GUCA1C: variants seen among roughly 807,000 people sequenced by gnomAD.
The protein encoded by GUCA1C is guanylyl cyclase-activating protein 3.
Under a neutral mutation model 16.2 loss-of-function variants are expected in GUCA1C, and 15 were observed. That is an observed-to-expected ratio of 0.93 (90% confidence interval 0.62 to 1.43). The LOEUF (loss-of-function observed/expected upper bound fraction) is 1.43. GUCA1C is among the 40% of genes most tolerant of loss of function. GUCA1C has a pLI of 0.00. For synonymous variants in GUCA1C, 78 were observed against 85.4 expected, an observed-to-expected ratio of 0.91 and a Z score of 0.48; for missense variants, 275 against 244.8, an observed-to-expected ratio of 1.12 and a Z score of -0.82.
intron 1 of GUCA1C, among the ~76,000 whole-genome samples, chr3:108,927,742 G>C (rs1269261189): frequency 1.3e-5 from 2 of 152,084 alleles, no homozygotes; most frequent in African/African-American, 4.8e-5. Flanking sequence ...CAGAGATTTT[G>C]TCTTGTTTTG....
intron 1 of GUCA1C, among the ~76,000 whole-genome samples, chr3:108,941,655 T>C (rs1246661381): frequency 2.0e-5 from 3 of 152,126 alleles, no homozygotes; most frequent in Non-Finnish European, 4.4e-5. Context: ...AGTTTAAGGG[T>C]CAACAATGAC....
chr3:108,930,293 G>A (rs73850673), intron 1 of GUCA1C, among the ~76,000 whole-genome samples: 2,332 of 152,200 alleles, frequency 0.015, 59 homozygotes, highest in African/African-American at 0.053. Context: ...ACTGCTCCCC[G>A]GAAATAAAGA....
chr3:108,928,618 A>T (rs908216875), intron 1 of GUCA1C, among the ~76,000 whole-genome samples: 6 of 152,166 alleles, frequency 3.9e-5, no homozygotes, highest in African/African-American at 1.4e-4. Context: ...TTTTTGTGAA[A>T]GGTGTAAGGT....
In GUCA1C at chr3:108,916,186, G is replaced by C; in HGVS notation, c.383C>G (p.Thr128Ser). 3.1e-6 allele frequency: 5 copies of C among 1,613,754 alleles called. No individual in the cohort carries two copies. The highest frequency in any genetic ancestry group is 4.2e-6 in the Non-Finnish European group (5 of 1,179,792). Residue 128 changes from threonine to serine, a missense_variant, in exon 3 of 4, where the codon ACT becomes AGT. Transcript: ENST00000261047. ...MAVQALNGQQTLSPEEFINLV... is the reference protein window; with the variant it reads ...MAVQALNGQQSLSPEEFINLV... ...GTTGATGAATTCTTCAGGACTCAGA[G>C]TTTGCTGGCCATTGAGGGCTTGTAC...
chr3:108,920,506 C>A lies in GUCA1C; in HGVS notation c.284G>T (p.Trp95Leu). 6.3e-7 allele frequency: 1 copy of A among 1,590,364 alleles called. No homozygotes were observed. Among genetic ancestry groups the A allele is most frequent in the South Asian group, 1.1e-5 (1 of 90,576 alleles). ...ATCAGCATCATACAGCTTAAAATACCATTTTAATTTTTGCTCCATTTTTTC... is the reference window on the plus strand; with the variant it reads ...ATCAGCATCATACAGCTTAAAATACAATTTTAATTTTTGCTCCATTTTTTC... ...MQEKMEQKLK[W>L]YFKLYDADGN... Residue 95 changes from tryptophan (W) to leucine (L), a missense_variant, in exon 2 of 4, where the codon TGG (tryptophan) becomes TTG (leucine). Physicochemically the swap from Trp to Leu is moderately conservative, Grantham distance 61. Coordinates refer to ENST00000261047, the MANE Select transcript of GUCA1C (RefSeq NM_005459.4).
At chr3:108,913,782 T>C (rs1012519567) in intron 3 of GUCA1C, among the ~76,000 whole-genome samples, 8 of 152,058 alleles carry the variant, frequency 5.3e-5, no homozygotes, top group African/African-American at 1.9e-4. Flanking sequence ...ATACAAGTTT[T>C]TGGGGCTGGG....
At chr3:108,939,324 C>CTTTTTTTTTGTTTTTTTTTTTTTTTTT (rs1946761487) in intron 1 of GUCA1C, among the ~76,000 whole-genome samples, 1 of 32,912 alleles carries the variant, frequency 3.0e-5, no homozygotes, top group Non-Finnish European at 6.0e-5. Context: ...TGCTTCAAGG[C>CTTTTTTTTTGTTTTTTTTTTTTTTTTT]TTTTTTTTTT....
intron 2 of GUCA1C, among the ~76,000 whole-genome samples, chr3:108,919,635 G>C (rs1315843262): frequency 1.3e-5 from 2 of 152,060 alleles, no homozygotes; most frequent in Admixed American, 6.6e-5. Flanking sequence ...TTGTTGAGAA[G>C]TTTAATTATA....
chr3:108,954,321 G>T (rs1946928740), upstream of GUCA1C, among the ~76,000 whole-genome samples: 1 of 152,164 alleles, frequency 6.6e-6, no homozygotes, highest in Admixed American at 6.5e-5. Flanking sequence ...TTAAAAAGAA[G>T]TCTATGTATA....
chr3:108,945,515 T>C (rs1221320507), intron 1 of GUCA1C, among the ~76,000 whole-genome samples: 1 of 152,190 alleles, frequency 6.6e-6, no homozygotes, highest in African/African-American at 2.4e-5. Context: ...AATAATGGAA[T>C]GGACGATTCC....
Position 108,908,143 on chromosome 3 carries a change from T to C in GUCA1C, c.509A>G (p.Tyr170Cys). 1.9e-6 allele frequency: 3 copies of C among 1,613,886 alleles called. No homozygotes were observed. Among genetic ancestry groups the C allele is most frequent in the Non-Finnish European group, 2.5e-6 (3 of 1,179,774 alleles). ...CACATTGGAGAAGTCGAAGCTCTTGTAAACAATCTCCAGGAGATCCTGATC... is the reference window on the plus strand; with the variant it reads ...CACATTGGAGAAGTCGAAGCTCTTGCAAACAATCTCCAGGAGATCCTGATC... ...AKDQDLLEIV[Y>C]KSFDFSNVLR... Residue 170 changes from tyrosine (Y) to cysteine (C), a missense_variant, in exon 4 of 4, where the codon TAC becomes TGC. Coordinates refer to ENST00000261047, the MANE Select transcript of GUCA1C (RefSeq NM_005459.4).
chr3:108,949,497 C>T (rs1214957005), intron 1 of GUCA1C, among the ~76,000 whole-genome samples: 1 of 152,196 alleles, frequency 6.6e-6, no homozygotes, highest in Non-Finnish European at 1.5e-5. Flanking sequence ...TTTTGCTGCA[C>T]TCAATCACTG....
At chr3:108,922,142 TACACACACACATACACAAAC>T (rs1249756119) in intron 1 of GUCA1C, among the ~76,000 whole-genome samples, 3 of 143,874 alleles carry the variant, frequency 2.1e-5, no homozygotes, top group South Asian at 2.2e-4. Flanking sequence ...CCATGGTGTA[TACACACACACATACACAAAC>T]ACACACACAC....
Position 108,920,521 on chromosome 3 carries a change from T to A in GUCA1C, c.269A>T (p.Glu90Val). Residue 90 changes from glutamate to valine, a missense_variant, in exon 2 of 4, where the codon GAG becomes GTG. Glu to Val is a moderately radical substitution (Grantham distance 121). Coordinates refer to ENST00000261047, the MANE Select transcript of GUCA1C (RefSeq NM_005459.4). ...CTTAAAATACCATTTTAATTTTTGC[T>A]CCATTTTTTCTTGCATGATTAGATT... ...AVNLIMQEKM[E>V]QKLKWYFKLY... The A allele has an allele frequency of 6.3e-7, 1 of 1,593,066 alleles. No homozygotes were observed. Among genetic ancestry groups the A allele is most frequent in the South Asian group, 1.1e-5 (1 of 90,606 alleles).
chr3:108,934,724 G>A (rs1283556835), intron 1 of GUCA1C, among the ~76,000 whole-genome samples: 1 of 151,102 alleles, frequency 6.6e-6, no homozygotes, highest in Admixed American at 6.6e-5. Flanking sequence ...CAGCAACATG[G>A]ATGAAGCTGG....
At chr3:108,953,533 A>G in intron 1 of GUCA1C, 26 bp downstream of exon 1, 1 of 1,453,076 alleles carries the variant, frequency 6.9e-7, no homozygotes, top group Non-Finnish European at 9.7e-7. Flanking sequence ...GCATTTTCAA[A>G]TGAAATGAAA....
chr3:108,925,114 T>G (rs1365125653), intron 1 of GUCA1C, among the ~76,000 whole-genome samples: 1 of 152,040 alleles, frequency 6.6e-6, no homozygotes, highest in Non-Finnish European at 1.5e-5. Flanking sequence ...TATTTTTTTT[T>G]TTGTTTCAAT....
At chr3:108,926,391 A>G (rs187582212) in intron 1 of GUCA1C, among the ~76,000 whole-genome samples, 405 of 152,328 alleles carry the variant, frequency 2.7e-3, no homozygotes, top group African/African-American at 9.2e-3. Context: ...GCCATTCTGC[A>G]TCTTTTAAGT....
At position 108,908,122 on chromosome 3, in the gene GUCA1C, T is replaced by C. The variant is rs565596041; in HGVS notation, c.530A>G (p.Asn177Ser). The C allele has an allele frequency of 7.4e-6, 12 of 1,613,526 alleles. No individual in the cohort carries two copies. The highest frequency in any genetic ancestry group is 3.3e-5 in the Admixed American group (2 of 60,026). The change falls in exon 4 of 4, where the codon AAT (asparagine) becomes AGT (serine). Residue 177 changes from asparagine (N) to serine (S), a missense_variant. Physicochemically the swap from Asn to Ser is conservative, Grantham distance 46. Coordinates refer to ENST00000261047, the MANE Select transcript of GUCA1C (RefSeq NM_005459.4). ...CCCATTACAGATTACTCTCAGCACATTGGAGAAGTCGAAGCTCTTGTAAAC... is the reference window on the plus strand; with the variant it reads ...CCCATTACAGATTACTCTCAGCACACTGGAGAAGTCGAAGCTCTTGTAAAC... The part of the protein sequence containing the change: ...EIVYKSFDFS[N>S]VLRVICNGKQ...
Sources: allele counts gnomAD v4.1 joint callset (sites outside exome capture counted in the v4.1 genomes callset), GRCh38; gene constraint gnomAD v4.1.1; transcripts MANE v1.5; gene names NCBI Gene and HGNC (gene_info 2026-07-23, HGNC 2026-07-21).